ZDBF2: variants seen among roughly 807,000 people sequenced by gnomAD.
ZDBF2 encodes DBF4-type zinc finger-containing protein 2.
ZDBF2 carries 6 observed loss-of-function variants against 9.4 expected under a neutral mutation model. The ratio of observed to expected loss-of-function variants is 0.64; its 90% CI spans 0.35 to 1.27. The LOEUF (loss-of-function observed/expected upper bound fraction) is 1.27. ZDBF2 is among the 50% of genes most tolerant of loss of function. The probability of loss-of-function intolerance (pLI) is 0.03; values close to 1 mark genes in which losing one functional copy is unlikely to be tolerated. For synonymous variants in ZDBF2, 905 were observed against 946.3 expected (o/e 0.96, Z 0.80); for missense variants, 2,697 against 2,766.8 (o/e 0.97, Z 0.57).
Position 206,308,586 on chromosome 2 carries a change from G to A in ZDBF2, c.4058G>A (p.Ser1353Asn), listed in dbSNP as rs1268220764. Residue 1353 changes from serine (S) to asparagine (N), a missense_variant, in exon 5 of 5, where the codon AGT (serine) becomes AAT (asparagine). Transcript: ENST00000374423. ...CACATTTTGGAAGAGGAGCATGCCA[G>A]TCTGGAAGATAAGAGCAGTAATTCT... ...QPHILEEEHA[S>N]LEDKSSNSYS... The A allele has an allele frequency of 6.2e-7, 1 of 1,613,534 alleles. No homozygotes were observed. Among genetic ancestry groups the A allele is most frequent in the Non-Finnish European group, 8.5e-7 (1 of 1,179,838 alleles).
At chr2:206,291,580 A>G (rs923952317) in intron 3 of ZDBF2, among the ~76,000 whole-genome samples, 3 of 152,096 alleles carry the variant, frequency 2.0e-5, no homozygotes, top group Non-Finnish European at 4.4e-5. Flanking sequence ...AACCTAAATT[A>G]CCTCCTAAAA....
At chr2:206,302,917 A>G (rs757532953) in intron 4 of ZDBF2, among the ~76,000 whole-genome samples, 11 of 152,104 alleles carry the variant, frequency 7.2e-5, no homozygotes, top group Non-Finnish European at 1.0e-4. Context: ...GTTATAGGCT[A>G]TTTTTATAAA....
chr2:206,286,377 G>C (rs575376482), intron 3 of ZDBF2, among the ~76,000 whole-genome samples: 21 of 152,076 alleles, frequency 1.4e-4, no homozygotes, highest in Non-Finnish European at 2.8e-4. Context: ...TATATTTATA[G>C]TTGTTTTATC....
intron 4 of ZDBF2, among the ~76,000 whole-genome samples, chr2:206,299,430 G>A (rs1181394943): frequency 6.6e-6 from 1 of 151,726 alleles, no homozygotes; most frequent in Non-Finnish European, 1.5e-5. Context: ...CAGCACTTTG[G>A]GAGGCCAAGG....
rs1002958346 is a variant in ZDBF2, at chr2:206,306,904, T to A, written c.2376T>A (p.Phe792Leu). The A allele has an allele frequency of 3.7e-6, 6 of 1,613,810 alleles. No homozygotes were observed. In the Admixed American group the frequency reaches 8.3e-5, roughly 22 times the overall value. ...SCESDSSEITFDSDIPLYSVI... is the reference protein window; with the variant it reads ...SCESDSSEITLDSDIPLYSVI... Reference sequence around the variant, plus strand: ...AGTCAGATAGTTCTGAAATAACTTTTGATTCTGATATTCCTCTTTATTCAG... The same window carrying A: ...AGTCAGATAGTTCTGAAATAACTTTAGATTCTGATATTCCTCTTTATTCAG... Residue 792 changes from phenylalanine to leucine, a missense_variant, in exon 5 of 5, where the codon TTT becomes TTA. Transcript: ENST00000374423.
intron 3 of ZDBF2, among the ~76,000 whole-genome samples, chr2:206,286,571 A>AT (rs1206514247): frequency 6.6e-6 from 1 of 151,972 alleles, no homozygotes; most frequent in Non-Finnish European, 1.5e-5. Flanking sequence ...TTAAAAAAAA[A>AT]AAAATAAAAG....
At chr2:206,299,864 T>G (rs1489858936) in intron 4 of ZDBF2, among the ~76,000 whole-genome samples, 2 of 151,624 alleles carry the variant, frequency 1.3e-5, no homozygotes, top group Non-Finnish European at 2.9e-5. Context: ...TCCTACCACT[T>G]TGGGAGGCCG....
At chr2:206,276,732 A>G (rs1691025680) in intron 1 of ZDBF2, among the ~76,000 whole-genome samples, 1 of 152,252 alleles carries the variant, frequency 6.6e-6, no homozygotes, top group African/African-American at 2.4e-5. Flanking sequence ...TAATCATGGC[A>G]GCTACCTTAT....
chr2:206,301,074 A>G (rs1263878733), intron 4 of ZDBF2, among the ~76,000 whole-genome samples: 1 of 152,096 alleles, frequency 6.6e-6, no homozygotes, highest in Non-Finnish European at 1.5e-5. Flanking sequence ...GTGTAGATAT[A>G]CATACTGATA....
At chr2:206,292,252 A>G in intron 3 of ZDBF2, 3 of 394,946 alleles carry the variant, frequency 7.6e-6, no homozygotes, top group Non-Finnish European at 1.3e-5. Context: ...AAAAGTAACA[A>G]GTAATTTTAG....
At chr2:206,292,106 A>G (rs1403646009) in intron 3 of ZDBF2, 2 of 398,262 alleles carry the variant, frequency 5.0e-6, no homozygotes, top group African/African-American at 4.1e-5. Context: ...GTAATGAAGA[A>G]CAGTGGAAAG....
At chr2:206,277,778 A>C (rs1275168722) in intron 1 of ZDBF2, among the ~76,000 whole-genome samples, 1 of 151,794 alleles carries the variant, frequency 6.6e-6, no homozygotes, top group Non-Finnish European at 1.5e-5. Context: ...TACCAATGAA[A>C]CAAAAAAGCC....
chr2:206,307,248 A>G lies in ZDBF2; in HGVS notation c.2720A>G (p.Lys907Arg), dbSNP rs779034024. The change falls in exon 5 of 5, where the codon AAG becomes AGG. Residue 907 changes from lysine (K) to arginine (R), a missense_variant. Coordinates refer to ENST00000374423, the MANE Select transcript of ZDBF2 (RefSeq NM_020923.3). ...GAAGAGCAGGTACACTTAGAAAATA[A>G]GGAAAATGAACCTATTGATTCTGAA... ...QKEEQVHLENKENEPIDSEVS... is the reference protein window; with the variant it reads ...QKEEQVHLENRENEPIDSEVS... The G allele has an allele frequency of 6.2e-7, 1 of 1,606,196 alleles. No individual in the cohort carries two copies. The highest frequency in any genetic ancestry group is 1.1e-5 in the South Asian group (1 of 88,852).
rs925363512 is a variant in ZDBF2 at position 206,279,084 on chromosome 2, G to A, written c.-102-456G>A. Among the ~76,000 whole-genome samples, 7 of 152,232 alleles carry A rather than the reference G, an allele frequency of 4.6e-5. No homozygotes were observed. In the East Asian group the frequency reaches 1.4e-3, roughly 29 times the overall value. ...GCACTTTGCCTACAACAATGCGGAG[G>A]AATAAAAAACATGCTTCTGCTTAAT... On this transcript the variant is annotated intron_variant, in intron 1 of 4. Transcript: ENST00000374423.
chr2:206,279,184 G>A (rs377508751), intron 1 of ZDBF2, among the ~76,000 whole-genome samples: 1 of 152,128 alleles, frequency 6.6e-6, no homozygotes, highest in Admixed American at 6.6e-5. Context: ...CCTGAGCCTC[G>A]GGAAGTTTCT....
chr2:206,281,988 A>G (rs1204039257), intron 3 of ZDBF2, 79 bp downstream of exon 3: 4 of 1,261,862 alleles, frequency 3.2e-6, no homozygotes, highest in South Asian at 1.4e-5. Flanking sequence ...AAATTAATTT[A>G]TTTATTCATT....
chr2:206,277,532 TAAA>T (rs1691082079), intron 1 of ZDBF2, among the ~76,000 whole-genome samples: 1 of 152,018 alleles, frequency 6.6e-6, no homozygotes, highest in Non-Finnish European at 1.5e-5. Context: ...TTTGGATTCA[TAAA>T]AAGGCTATAT....
At chr2:206,281,762 G>A in intron 2 of ZDBF2, 39 bp from the exon 3 acceptor site, 1 of 1,257,274 alleles carries the variant, frequency 8.0e-7, no homozygotes, top group Non-Finnish European at 1.1e-6. Context: ...ATAAGAGTAA[G>A]GAATTATGAT....
At position 206,310,792 on chromosome 2, in the gene ZDBF2, A is replaced by G. The variant is rs1225751867; in HGVS notation, c.6264A>G (p.Gln2088=). ...WVKIHFNRSN[Q]NSSAGDNDAD... ...AAATTCATTTTAATAGGAGCAACCA[A>G]AACTCCAGTGCAGGAGATAATGATG... The change falls in exon 5 of 5, where the codon CAA becomes CAG. Residue 2088 remains glutamine, a synonymous_variant. Coordinates refer to ENST00000374423, the MANE Select transcript of ZDBF2 (RefSeq NM_020923.3). 1.9e-6 allele frequency: 3 copies of G among 1,614,012 alleles called. No individual in the cohort carries two copies. Among genetic ancestry groups the G allele is most frequent in the Non-Finnish European group, 2.5e-6 (3 of 1,179,902 alleles).
Sources: allele counts gnomAD v4.1 joint callset (sites outside exome capture counted in the v4.1 genomes callset), GRCh38; gene constraint gnomAD v4.1.1; transcripts MANE v1.5; gene names NCBI Gene and HGNC (gene_info 2026-07-23, HGNC 2026-07-21).